The following TMPRSS3 variants were observed in gnomAD, a reference collection of about 807,000 sequenced individuals.
TMPRSS3 encodes transmembrane protease serine 3.
TMPRSS3 carries 55 observed loss-of-function variants against 59.6 expected under a neutral mutation model. The observed-to-expected ratio is 0.92, with a 90% confidence interval of 0.74 to 1.16. The LOEUF (loss-of-function observed/expected upper bound fraction) is 1.16, where lower values mean the gene tolerates loss of function less well. Ranked by LOEUF, TMPRSS3 falls within the 50% of genes most tolerant of loss-of-function variation. TMPRSS3 has a pLI of 0.00. For synonymous variants in TMPRSS3, 257 were observed against 237.7 expected, an observed-to-expected ratio of 1.08 and a Z score of -0.75; for missense variants, 596 against 579.4, an observed-to-expected ratio of 1.03 and a Z score of -0.29.
chr21:42,374,302 G>A (rs532314194), intron 12 of TMPRSS3, among the ~76,000 whole-genome samples: 3 of 152,350 alleles, frequency 2.0e-5, no homozygotes, highest in South Asian at 2.1e-4. Flanking sequence ...CCCTCACCAC[G>A]CCCCGAGGGG....
chr21:42,372,826 TC>T, intron 12 of TMPRSS3, 47 bp from the exon 13 acceptor site: 1 of 1,612,068 alleles, frequency 6.2e-7, no homozygotes, highest in Non-Finnish European at 8.5e-7. Context: ...CTTCCAGCCA[TC>T]CGTCCAACAT....
intron 9 of TMPRSS3, among the ~76,000 whole-genome samples, chr21:42,380,971 G>A (rs1288832859): frequency 6.6e-6 from 1 of 152,204 alleles, no homozygotes; most frequent in African/African-American, 2.4e-5. Flanking sequence ...TGGCAGACTG[G>A]CACCACCATA....
chr21:42,383,768 C>T (rs2052577387), intron 7 of TMPRSS3: 3 of 718,174 alleles, frequency 4.2e-6, no homozygotes, highest in Non-Finnish European at 7.7e-6. Context: ...CTCTGGCTGT[C>T]TCCCCCACCT....
chr21:42,383,879 GC>G (rs1365565412), intron 7 of TMPRSS3, 90 bp downstream of exon 7: 1 of 1,368,204 alleles, frequency 7.3e-7, no homozygotes, highest in Non-Finnish European at 1.0e-6. Context: ...GGGATACAGA[GC>G]CCCATGGGGG....
chr21:42,376,789 A>T, intron 10 of TMPRSS3, 106 bp from the exon 11 acceptor site: 1 of 1,546,696 alleles, frequency 6.5e-7, no homozygotes, highest in Non-Finnish European at 8.9e-7. Context: ...GACGAGGGGG[A>T]TGCTCTCTGG....
At chr21:42,376,338 C>T (rs565287506) in intron 11 of TMPRSS3, among the ~76,000 whole-genome samples, 1 of 152,352 alleles carries the variant, frequency 6.6e-6, no homozygotes, top group East Asian at 1.9e-4. Flanking sequence ...GAGTCCCCTC[C>T]CACCACCCAG....
chr21:42,393,405 T>A (rs1224756056), intron 2 of TMPRSS3, among the ~76,000 whole-genome samples: 1 of 152,208 alleles, frequency 6.6e-6, no homozygotes, highest in Non-Finnish European at 1.5e-5. Context: ...TTCCCAGCTG[T>A]GTAAACTTAG....
At chr21:42,376,439 G>C in intron 11 of TMPRSS3, 102 bp downstream of exon 11, 1 of 1,537,354 alleles carries the variant, frequency 6.5e-7, no homozygotes, top group Non-Finnish European at 8.8e-7. Flanking sequence ...TCCACGCCCT[G>C]TAAATTTACT....
In TMPRSS3 at chr21:42,375,669, G is replaced by A. The variant is rs371299957; in HGVS notation, c.1344+47C>T. 19 of 1,612,740 alleles carry A rather than the reference G, an allele frequency of 1.2e-5. No individual in the cohort carries two copies. The Admixed American group carries it at 1.3e-4, about 11-fold the overall frequency. On this transcript the variant is annotated intron_variant, in intron 12 of 12. Transcript: ENST00000644384. The stretch of plus-strand genomic sequence containing the variant: ...CAGGGTTGCATTTAAGGGACCTTAG[G>A]GTCAAAAGCCAGGGACAACGTGAGC...
chr21:42,385,565 G>A lies in TMPRSS3; in HGVS notation c.447-31C>T, dbSNP rs139786618. The stretch of plus-strand genomic sequence containing the variant: ...AGCACATTGGAAAGACAGACCCGAC[G>A]TGGTAACTTTACACTTTGAAGCATT... On this transcript the variant is annotated intron_variant, in intron 5 of 12. Coordinates refer to ENST00000644384, the MANE Select transcript of TMPRSS3 (RefSeq NM_001256317.3). 2.9e-4 allele frequency: 467 copies of A among 1,613,540 alleles called. 1 individual carries two copies. The African/African-American group carries it at 5.3e-3, about 18-fold the overall frequency.
intron 12 of TMPRSS3, among the ~76,000 whole-genome samples, chr21:42,374,760 A>G (rs907870725): frequency 6.6e-6 from 1 of 152,212 alleles, no homozygotes; most frequent in African/African-American, 2.4e-5. Context: ...AATTAGGGAA[A>G]AAAAACGTAC....
chr21:42,376,754 A>G, intron 10 of TMPRSS3, 71 bp from the exon 11 acceptor site: 1 of 1,609,500 alleles, frequency 6.2e-7, no homozygotes, highest in Non-Finnish European at 8.5e-7. Context: ...GCGCATGCTG[A>G]GACCAGGGGG....
In TMPRSS3 at chr21:42,383,030, C is replaced by T; in HGVS notation, c.782+3G>A. On this transcript the variant is annotated splice_donor_region_variant and intron_variant, in intron 8 of 12. Coordinates refer to ENST00000644384, the MANE Select transcript of TMPRSS3 (RefSeq NM_001256317.3). ...GTCTGGGAAGATGGTCAGCAGCACT[C>T]ACTCATAAACACAGTGTGCAGCAGT... is the stretch of plus-strand genomic sequence containing the variant. 1 of 1,613,992 alleles carries T rather than the reference C, an allele frequency of 6.2e-7. No individual in the cohort carries two copies. The highest frequency in any genetic ancestry group is 1.7e-5 in the Admixed American group (1 of 60,022).
At chr21:42,395,515 G>A (rs1181905906) in intron 1 of TMPRSS3, 47 bp from the exon 2 acceptor site, 1 of 1,009,018 alleles carries the variant, frequency 9.9e-7, no homozygotes, top group Non-Finnish European at 1.5e-6. Flanking sequence ...ATTTATACTT[G>A]TAGCATCAGG....
At chr21:42,374,063 C>G (rs574144533) in intron 12 of TMPRSS3, among the ~76,000 whole-genome samples, 1 of 152,174 alleles carries the variant, frequency 6.6e-6, no homozygotes, top group Non-Finnish European at 1.5e-5. Flanking sequence ...GCCCTTTGCC[C>G]TCTGTGCCCA....
chr21:42,378,707 CTTTTTTTTTG>C, intron 10 of TMPRSS3, among the ~76,000 whole-genome samples: 1 of 151,592 alleles, frequency 6.6e-6, no homozygotes, highest in East Asian at 1.9e-4. Context: ...TAAATCTCCA[CTTTTTTTTTG>C]TTTTGTTTTG....
Position 42,395,323 on chromosome 21 carries a change from C to T in TMPRSS3, c.94+1G>A, listed in dbSNP as rs2052788524. 6.2e-7 allele frequency: 1 copy of T among 1,613,442 alleles called. No individual in the cohort carries two copies. Reference sequence around the variant, plus strand: ...CAGAGTCCTCACCTGGGTCCACTTACCTGGTGCAACAGGACTTATTTTCAA... The same window carrying T: ...CAGAGTCCTCACCTGGGTCCACTTATCTGGTGCAACAGGACTTATTTTCAA... On this transcript the variant is annotated splice_donor_variant, in intron 2 of 12. Coordinates refer to ENST00000644384, the MANE Select transcript of TMPRSS3 (RefSeq NM_001256317.3). LOFTEE classifies it high-confidence loss of function.
chr21:42,373,175 C>G (rs2052363847), intron 12 of TMPRSS3, among the ~76,000 whole-genome samples: 1 of 152,202 alleles, frequency 6.6e-6, no homozygotes, highest in African/African-American at 2.4e-5. Context: ...CGGGACACTT[C>G]CCCGCAAGAC....
In TMPRSS3 at chr21:42,385,430, A is replaced by G. The variant is rs770046529; in HGVS notation, c.551T>C (p.Leu184Ser). The G allele has an allele frequency of 2.5e-6, 4 of 1,614,070 alleles. No individual in the cohort carries two copies. In the East Asian group the frequency reaches 8.9e-5, roughly 36 times the overall value. The change falls in exon 6 of 13, where the codon TTA (leucine) becomes TCA (serine). Residue 184 changes from leucine (L) to serine (S), a missense_variant. Coordinates refer to ENST00000644384, the MANE Select transcript of TMPRSS3 (RefSeq NM_001256317.3). ...CTACCTCACATATACTGAGTGGTGT[A>G]ATGCAGTCACCTTGTCATCTGGCAA... ...HLLPDDKVTA[L>S]HHSVYVREGC...
Sources: gnomAD v4.1 joint callset for allele counts (sites outside exome capture counted in the v4.1 genomes callset) on GRCh38, gnomAD v4.1.1 for gene constraint, MANE v1.5 for transcripts, NCBI Gene and HGNC (gene_info 2026-07-23, HGNC 2026-07-21) for gene names.